Variants in TAFA2 observed in about 807,000 individuals in gnomAD.
TAFA2 encodes chemokine-like protein TAFA-2.
In TAFA2, 7 loss-of-function variants were observed where a neutral mutation model predicts 18.8. The ratio of observed to expected loss-of-function variants is 0.37; its 90% CI spans 0.21 to 0.70. The LOEUF is 0.70. TAFA2 is among the 30% of genes least tolerant of loss of function. TAFA2 has a pLI of 0.53. For synonymous variants in TAFA2, 60 were observed against 54.2 expected, an observed-to-expected ratio of 1.11 and a Z score of -0.47; for missense variants, 122 against 158.1, an observed-to-expected ratio of 0.77 and a Z score of 1.23.
chr12:61,734,532 A>C (rs905346919), intron 4 of TAFA2, among the ~76,000 whole-genome samples: 10 of 152,030 alleles, frequency 6.6e-5, no homozygotes, highest in African/African-American at 2.4e-4. Context: ...AAATAAAAAA[A>C]ACTAAACTAA....
chr12:61,969,120 T>G (rs1555179878), intron 1 of TAFA2, among the ~76,000 whole-genome samples: 1 of 151,754 alleles, frequency 6.6e-6, no homozygotes, highest in Non-Finnish European at 1.5e-5. Flanking sequence ...AAGTCAGAAA[T>G]ATCATTATGA....
chr12:62,200,171 A>T (rs563236222), intron 1 of TAFA2, among the ~76,000 whole-genome samples: 1 of 152,240 alleles, frequency 6.6e-6, no homozygotes, highest in East Asian at 1.9e-4. Context: ...TGTCAGATGG[A>T]TAGACTGCAA....
intron 1 of TAFA2, among the ~76,000 whole-genome samples, chr12:62,215,746 C>CTTGCTTAAGAGAAACAACTTGTTTCTAA (rs1417647952): frequency 1.4e-5 from 1 of 72,586 alleles, no homozygotes; most frequent in African/African-American, 5.0e-5. Context: ...ACTTGTTTCT[C>CTTGCTTAAGAGAAACAACTTGTTTCTAA]AAAAAAAAAA....
chr12:61,885,072 TCA>T (rs1000375953), intron 1 of TAFA2, among the ~76,000 whole-genome samples: 1 of 151,708 alleles, frequency 6.6e-6, no homozygotes, highest in Admixed American at 6.5e-5. Flanking sequence ...TGAAATATTT[TCA>T]CAGTCATAAT....
intron 2 of TAFA2, among the ~76,000 whole-genome samples, chr12:61,810,331 T>G (rs1344720712): frequency 1.3e-5 from 2 of 151,266 alleles, no homozygotes; most frequent in African/African-American, 4.9e-5. Context: ...TTTTTTTTTT[T>G]TAAGGAATAT....
intron 1 of TAFA2, among the ~76,000 whole-genome samples, chr12:62,072,918 C>A (rs1033288594): frequency 4.6e-5 from 7 of 152,194 alleles, no homozygotes; most frequent in African/African-American, 1.7e-4. Context: ...ATGACTTATT[C>A]TTTTGCAATG....
At chr12:61,941,964 G>T (rs1878044253) in intron 1 of TAFA2, among the ~76,000 whole-genome samples, 1 of 152,036 alleles carries the variant, frequency 6.6e-6, no homozygotes, top group Non-Finnish European at 1.5e-5. Flanking sequence ...GCTCAAGGAG[G>T]CCTGCCTGCC....
At chr12:61,953,346 C>A (rs1037157117) in intron 1 of TAFA2, among the ~76,000 whole-genome samples, 14 of 152,228 alleles carry the variant, frequency 9.2e-5, no homozygotes, top group Non-Finnish European at 1.5e-4. Context: ...ACAAAAGATA[C>A]TAATCCACTG....
chr12:61,762,726 G>C (rs893507949), intron 2 of TAFA2, among the ~76,000 whole-genome samples: 1 of 151,530 alleles, frequency 6.6e-6, no homozygotes, highest in Admixed American at 6.6e-5. Flanking sequence ...CTACAAAAGA[G>C]AGTAAATTTA....
At chr12:62,215,092 T>C (rs17126025) in intron 1 of TAFA2, among the ~76,000 whole-genome samples, 1 of 152,134 alleles carries the variant, frequency 6.6e-6, no homozygotes, top group African/African-American at 2.4e-5. Context: ...AGAAGTGAAA[T>C]CATTACTTTT....
intron 1 of TAFA2, among the ~76,000 whole-genome samples, chr12:61,913,647 A>T (rs963908680): frequency 2.0e-5 from 3 of 152,192 alleles, no homozygotes; most frequent in Admixed American, 6.5e-5. Flanking sequence ...TATCTCTAAC[A>T]TTCCTAATTA....
At chr12:62,144,669 A>G (rs2062268210) in intron 1 of TAFA2, among the ~76,000 whole-genome samples, 1 of 152,244 alleles carries the variant, frequency 6.6e-6, no homozygotes, top group East Asian at 1.9e-4. Flanking sequence ...ATTATCCAAA[A>G]GAAGGCACCC....
At chr12:62,051,271 G>A (rs1882045778) in intron 1 of TAFA2, among the ~76,000 whole-genome samples, 1 of 152,022 alleles carries the variant, frequency 6.6e-6, no homozygotes, top group African/African-American at 2.4e-5. Context: ...TCCTCCTCCT[G>A]CCTGCTTCAT....
intron 2 of TAFA2, among the ~76,000 whole-genome samples, chr12:61,813,896 C>T (rs1345600572): frequency 1.3e-5 from 2 of 151,432 alleles, no homozygotes; most frequent in African/African-American, 4.9e-5. Context: ...GTATATAATA[C>T]ACTCTCAATA....
chr12:61,730,343 G>T (rs1203954124), intron 4 of TAFA2, among the ~76,000 whole-genome samples: 2 of 152,090 alleles, frequency 1.3e-5, no homozygotes, highest in East Asian at 3.9e-4. Context: ...TGAGTTAGTT[G>T]GCATCCAGCA....
rs11836487 is a variant in TAFA2 at position 62,021,593 on chromosome 12, C to T, written c.-1-154167G>A. On this transcript the variant is annotated intron_variant, in intron 1 of 4. Coordinates refer to ENST00000416284, the MANE Select transcript of TAFA2 (RefSeq NM_178539.5). Reference sequence around the variant, plus strand: ...TACGCTGTGGGGACTGGCTGGGTGACGGCAGGCGGTTCTGGCTTCCCACCC... The same window carrying T: ...TACGCTGTGGGGACTGGCTGGGTGATGGCAGGCGGTTCTGGCTTCCCACCC... The T allele has an allele frequency of 1.2e-5, 11 of 935,052 alleles. 1 individual carries two copies. Among genetic ancestry groups the T allele is most frequent in the East Asian group, 7.2e-5 (3 of 41,440 alleles). 57.9% of individuals were successfully genotyped at this position (935,052 alleles called of 1,614,324 possible).
At chr12:61,888,437 T>C (rs1875484961) in intron 1 of TAFA2, among the ~76,000 whole-genome samples, 2 of 152,108 alleles carry the variant, frequency 1.3e-5, no homozygotes, top group African/African-American at 4.8e-5. Flanking sequence ...ATCTTAACTG[T>C]ACCTTAAAGA....
chr12:61,741,881 T>A (rs995064352), intron 4 of TAFA2, among the ~76,000 whole-genome samples: 6 of 152,126 alleles, frequency 3.9e-5, no homozygotes, highest in Non-Finnish European at 7.4e-5. Flanking sequence ...ACAGAGTTTG[T>A]TAATTCTGCT....
At chr12:61,901,722 C>G (rs1876109064) in intron 1 of TAFA2, among the ~76,000 whole-genome samples, 1 of 152,096 alleles carries the variant, frequency 6.6e-6, no homozygotes, top group Non-Finnish European at 1.5e-5. Context: ...ACTAATCAAA[C>G]ATTTGGCTCC....
Sources: allele counts gnomAD v4.1 joint callset (sites outside exome capture counted in the v4.1 genomes callset), GRCh38; gene constraint gnomAD v4.1.1; transcripts MANE v1.5; gene names NCBI Gene and HGNC (gene_info 2026-07-23, HGNC 2026-07-21).